VWA8: variants seen among roughly 807,000 people sequenced by gnomAD.
The protein encoded by VWA8 is von Willebrand factor A domain-containing protein 8.
In VWA8, 221 loss-of-function variants were observed where a neutral mutation model predicts 241.5. The ratio of observed to expected loss-of-function variants is 0.91; its 90% CI spans 0.82 to 1.02. VWA8 has a LOEUF of 1.02. Among genes scored for constraint, VWA8 ranks in the 50% least tolerant of loss-of-function variants. The pLI is 0.00. For missense variants in VWA8, 2,322 were observed against 2,328.7 expected (o/e 1.00, Z 0.06); for synonymous variants, 852 against 827.1 (o/e 1.03, Z -0.52).
At chr13:41,866,734 G>C (rs1471776730) in intron 10 of VWA8, among the ~76,000 whole-genome samples, 2 of 151,952 alleles carry the variant, frequency 1.3e-5, no homozygotes, top group Non-Finnish European at 2.9e-5. Flanking sequence ...AATTCTAGTT[G>C]TAAGCACAGA....
In VWA8 at chr13:41,651,559, T is replaced by C. The variant is rs564325291; in HGVS notation, c.4611+19387A>G. Among the ~76,000 whole-genome samples the C allele has an allele frequency of 3.3e-4, 50 of 152,358 alleles. No homozygotes were observed. In the South Asian group the frequency reaches 8.7e-3, roughly 26 times the overall value. On this transcript the variant is annotated intron_variant, in intron 37 of 44. Transcript: ENST00000379310. ...TTGCAACTACTCAACTGTGCCTTTG[T>C]AGTGCAAAAGCAGACACAGACAATA...
chr13:41,941,376 T>A (rs1264356617), intron 2 of VWA8, among the ~76,000 whole-genome samples: 1 of 152,230 alleles, frequency 6.6e-6, no homozygotes, highest in Non-Finnish European at 1.5e-5. Context: ...CTATCCTCTG[T>A]TGAACGCTAT....
At chr13:41,617,306 A>G (rs1031804495) in intron 37 of VWA8, among the ~76,000 whole-genome samples, 12 of 152,100 alleles carry the variant, frequency 7.9e-5, no homozygotes, top group African/African-American at 2.9e-4. Flanking sequence ...TTTAGTAGAA[A>G]CAGGGTTTCA....
chr13:41,850,484 C>T (rs899310268), intron 12 of VWA8, among the ~76,000 whole-genome samples: 1 of 152,112 alleles, frequency 6.6e-6, no homozygotes, highest in African/African-American at 2.4e-5. Flanking sequence ...AAGACTCAGC[C>T]TCAAGGTCTG....
At chr13:41,824,163 T>A (rs1871081986) in intron 14 of VWA8, among the ~76,000 whole-genome samples, 1 of 152,150 alleles carries the variant, frequency 6.6e-6, no homozygotes, top group Non-Finnish European at 1.5e-5. Flanking sequence ...TAGAGGAATG[T>A]CAGAGAAGGT....
intron 21 of VWA8, among the ~76,000 whole-genome samples, chr13:41,741,184 A>C (rs1425729668): frequency 6.6e-6 from 1 of 152,178 alleles, no homozygotes; most frequent in African/African-American, 2.4e-5. Flanking sequence ...CCTTTTTAGC[A>C]CTTGTTCACT....
chr13:41,593,021 T>A (rs867213037), intron 40 of VWA8, among the ~76,000 whole-genome samples: 1 of 152,230 alleles, frequency 6.6e-6, no homozygotes, highest in Non-Finnish European at 1.5e-5. Flanking sequence ...AAGTTAAGCA[T>A]GCTTCCATCA....
At chr13:41,744,727 A>G (rs2045591678) in intron 21 of VWA8, among the ~76,000 whole-genome samples, 1 of 152,236 alleles carries the variant, frequency 6.6e-6, no homozygotes, top group South Asian at 2.1e-4. Context: ...GAAAGGTCCA[A>G]AGAGAGGAGA....
chr13:41,900,238 A>G (rs185887482), intron 4 of VWA8, among the ~76,000 whole-genome samples: 74 of 152,340 alleles, frequency 4.9e-4, no homozygotes, highest in Admixed American at 7.8e-4. Context: ...TTGTAACATA[A>G]AATAATTGTA....
intron 37 of VWA8, among the ~76,000 whole-genome samples, chr13:41,633,117 C>G (rs2044736316): frequency 6.6e-6 from 1 of 152,152 alleles, no homozygotes; most frequent in Non-Finnish European, 1.5e-5. Context: ...TCGTAATGTA[C>G]TCTTTTATGA....
chr13:41,599,068 T>G (rs997181703), intron 40 of VWA8, among the ~76,000 whole-genome samples: 2 of 152,152 alleles, frequency 1.3e-5, no homozygotes, highest in Non-Finnish European at 2.9e-5. Flanking sequence ...CTTACCATGT[T>G]TCATGTACTG....
intron 26 of VWA8, among the ~76,000 whole-genome samples, chr13:41,709,312 G>T (rs574021142): frequency 6.6e-6 from 1 of 152,288 alleles, no homozygotes; most frequent in Admixed American, 6.5e-5. Flanking sequence ...TCTCGCTGTT[G>T]TACCTCTTTT....
chr13:41,759,193 A>T (rs2045721201), intron 21 of VWA8, among the ~76,000 whole-genome samples: 1 of 151,664 alleles, frequency 6.6e-6, no homozygotes, highest in African/African-American at 2.4e-5. Context: ...TTGCCTTCTG[A>T]AGAATATTTT....
chr13:41,614,486 T>G (rs1012556075), intron 38 of VWA8, among the ~76,000 whole-genome samples: 13 of 152,332 alleles, frequency 8.5e-5, no homozygotes, highest in Non-Finnish European at 1.6e-4. Flanking sequence ...AAATCTTGCA[T>G]CCTCAACGTA....
chr13:41,786,570 C>T (rs1373662700), intron 18 of VWA8, among the ~76,000 whole-genome samples: 2 of 152,116 alleles, frequency 1.3e-5, no homozygotes, highest in African/African-American at 4.8e-5. Flanking sequence ...TTAATAGACT[C>T]ACTCAAATAA....
At chr13:41,870,220 A>G (rs1414027232) in intron 9 of VWA8, among the ~76,000 whole-genome samples, 2 of 152,180 alleles carry the variant, frequency 1.3e-5, no homozygotes, top group Non-Finnish European at 2.9e-5. Context: ...AATTGCTTCC[A>G]TGTTGTAGAC....
At chr13:41,677,495 G>A (rs1264479207) in intron 35 of VWA8, among the ~76,000 whole-genome samples, 1 of 152,128 alleles carries the variant, frequency 6.6e-6, no homozygotes, top group African/African-American at 2.4e-5. Flanking sequence ...GTAACAATAT[G>A]ACTTATTTGG....
At chr13:41,606,300 A>G (rs151000244) in intron 39 of VWA8, among the ~76,000 whole-genome samples, 4 of 152,302 alleles carry the variant, frequency 2.6e-5, no homozygotes, top group Non-Finnish European at 4.4e-5. Context: ...GCTCAAAATA[A>G]GTAGAAATGA....
chr13:41,571,335 T>TCTCCCGG (rs2044302170), intron 43 of VWA8, among the ~76,000 whole-genome samples: 1 of 127,522 alleles, frequency 7.8e-6, no homozygotes. Flanking sequence ...CCCGTCTCCC[T>TCTCCCGG]CTCCCTCTCC....
Sources: allele counts gnomAD v4.1 joint callset (sites outside exome capture counted in the v4.1 genomes callset), GRCh38; gene constraint gnomAD v4.1.1; transcripts MANE v1.5; gene names NCBI Gene and HGNC (gene_info 2026-07-23, HGNC 2026-07-21).